Variants in RALGPS2 observed in about 807,000 individuals in gnomAD.
The protein encoded by RALGPS2 is Ral GEF with PH domain and SH3 binding motif 2.
RALGPS2 carries 43 observed loss-of-function variants against 86.8 expected under a neutral mutation model. The ratio of observed to expected loss-of-function variants is 0.50; its 90% CI spans 0.39 to 0.64. The LOEUF is 0.64. Ranked by LOEUF, RALGPS2 falls within the 30% of genes least tolerant of loss-of-function variation. The pLI, the probability that RALGPS2 is intolerant of heterozygous loss-of-function variation, is 0.00. For missense variants in RALGPS2, 536 were observed against 694.6 expected, an observed-to-expected ratio of 0.77 and a Z score of 2.57; for synonymous variants, 243 against 231.3, an observed-to-expected ratio of 1.05 and a Z score of -0.46.
intron 14 of RALGPS2, among the ~76,000 whole-genome samples, chr1:178,891,662 A>G (rs1659715002): frequency 6.6e-6 from 1 of 151,870 alleles, no homozygotes; most frequent in African/African-American, 2.4e-5. Flanking sequence ...CATCATTTTT[A>G]TCATTTATTG....
At chr1:178,848,012 C>T (rs1254228026) in intron 8 of RALGPS2, among the ~76,000 whole-genome samples, 1 of 152,086 alleles carries the variant, frequency 6.6e-6, no homozygotes, top group East Asian at 1.9e-4. Context: ...GGATAAAATT[C>T]ATTAACTTAT....
chr1:178,814,748 C>T (rs1479905324), intron 6 of RALGPS2, among the ~76,000 whole-genome samples: 2 of 151,718 alleles, frequency 1.3e-5, no homozygotes, highest in East Asian at 3.9e-4. Context: ...CTGTACCTGT[C>T]CCCTCGTCTC....
intron 1 of RALGPS2, among the ~76,000 whole-genome samples, chr1:178,741,025 CATATATGTAATG>C (rs1465235411): frequency 1.3e-5 from 2 of 152,116 alleles, no homozygotes; most frequent in African/African-American, 4.8e-5. Flanking sequence ...TAAATAGTAT[CATATATGTAATG>C]ATATTTGAGG....
intron 1 of RALGPS2, among the ~76,000 whole-genome samples, chr1:178,756,833 AG>A (rs1651980313): frequency 6.6e-6 from 1 of 152,112 alleles, no homozygotes; most frequent in African/African-American, 2.4e-5. Flanking sequence ...TGTTTTTGCC[AG>A]GTTTTGGTAT....
rs562030727 is a variant in RALGPS2 at position 178,755,575 on chromosome 1, T to A, written c.-83-21107T>A. 1.2e-4 allele frequency among the ~76,000 whole-genome samples: 19 copies of A among 152,352 alleles called. No individual in the cohort carries two copies. In the South Asian group the frequency reaches 3.7e-3, roughly 30 times the overall value. On this transcript the variant is annotated intron_variant, in intron 1 of 19. Transcript: ENST00000367635. The stretch of plus-strand genomic sequence containing the variant: ...TGGTGTACGTGGACCACATTTTCTT[T>A]ATCCAGTCCACCATTGTTGGGTACC...
In RALGPS2 at chr1:178,833,564, CTG is replaced by C. The variant is rs762508053; in HGVS notation, c.607+20_607+21del. The C allele has an allele frequency of 2.0e-4, 299 of 1,521,852 alleles. No individual in the cohort carries two copies. Among genetic ancestry groups the C allele is most frequent in the Non-Finnish European group, 2.4e-4 (281 of 1,147,416 alleles). 94.3% of individuals were successfully genotyped at this position (1,521,852 alleles called of 1,614,324 possible). On this transcript the variant is annotated intron_variant, in intron 8 of 19. Transcript: ENST00000367635. The stretch of plus-strand genomic sequence containing the variant: ...TTCCCTATTTAGGTGAGTTATGTCA[CTG>C]TGTGTTTTTTGTTTCTAGTTGTTAC...
At chr1:178,825,934 A>G (rs1655723890) in intron 7 of RALGPS2, among the ~76,000 whole-genome samples, 1 of 152,186 alleles carries the variant, frequency 6.6e-6, no homozygotes, top group South Asian at 2.1e-4. Flanking sequence ...ATGAGCTGGA[A>G]GAAATTGTGA....
At chr1:178,906,445 T>C (rs573678074) in intron 18 of RALGPS2, among the ~76,000 whole-genome samples, 10 of 152,252 alleles carry the variant, frequency 6.6e-5, no homozygotes, top group African/African-American at 1.7e-4. Flanking sequence ...TGCAGTCTTA[T>C]CCACACAGAT....
chr1:178,839,690 G>T (rs1656480027), intron 8 of RALGPS2, among the ~76,000 whole-genome samples: 1 of 152,134 alleles, frequency 6.6e-6, no homozygotes, highest in African/African-American at 2.4e-5. Context: ...TGGGCTAAAT[G>T]CTCCAATTAA....
At chr1:178,806,673 A>C (rs1654763560) in intron 4 of RALGPS2, among the ~76,000 whole-genome samples, 1 of 151,964 alleles carries the variant, frequency 6.6e-6, no homozygotes, top group African/African-American at 2.4e-5. Context: ...GTTTTTGCTT[A>C]GTGGGTACAA....
chr1:178,776,768 G>A lies in RALGPS2; in HGVS notation c.4G>A (p.Asp2Asn). The A allele has an allele frequency of 6.2e-7, 1 of 1,612,408 alleles. No individual in the cohort carries two copies. Among genetic ancestry groups the A allele is most frequent in the Non-Finnish European group, 8.5e-7 (1 of 1,179,040 alleles). M[D>N]LMNGQASSVN... ...GTCAGGGACTGATGAGGAAAGCATG[G>A]ACCTAATGAACGGGCAGGCAAGCAG... The change falls in exon 2 of 20, where the codon GAC becomes AAC. Residue 2 changes from aspartate (D) to asparagine (N), a missense_variant. Physicochemically the swap from Asp to Asn is conservative, Grantham distance 23. Transcript: ENST00000367635.
In RALGPS2 at chr1:178,759,754, A is replaced by G. The variant is rs1009647477; in HGVS notation, c.-83-16928A>G. On this transcript the variant is annotated intron_variant, in intron 1 of 19. Transcript: ENST00000367635. The stretch of plus-strand genomic sequence containing the variant: ...TCCATTTTTTTTTGCATCCTCCTCA[A>G]TTTCTTTCATCAGTGTTTTATAATT... Among the ~76,000 whole-genome samples the G allele has an allele frequency of 3.3e-5, 5 of 151,530 alleles. No individual in the cohort carries two copies. In the East Asian group the frequency reaches 5.8e-4, roughly 18 times the overall value.
intron 10 of RALGPS2, chr1:178,879,805 AAAAAG>A (rs1207530584): frequency 6.6e-6 from 1 of 152,024 alleles, no homozygotes; most frequent in African/African-American, 2.4e-5. Context: ...AAAAAAAAAA[AAAAAG>A]ATTGTTTGAA....
At chr1:178,823,330 A>T (rs1655598133) in intron 7 of RALGPS2, among the ~76,000 whole-genome samples, 1 of 152,218 alleles carries the variant, frequency 6.6e-6, no homozygotes, top group East Asian at 1.9e-4. Flanking sequence ...TGCACTCTGT[A>T]ATTGCTTGAC....
At chr1:178,910,639 TGATATGCTGCTG>T (rs993839554) in intron 19 of RALGPS2, among the ~76,000 whole-genome samples, 11 of 152,248 alleles carry the variant, frequency 7.2e-5, no homozygotes, top group African/African-American at 2.4e-4. Flanking sequence ...ATTAACTTTC[TGATATGCTGCTG>T]GATTCAGTTA....
intron 16 of RALGPS2, among the ~76,000 whole-genome samples, chr1:178,897,004 A>T (rs1179110454): frequency 1.3e-5 from 2 of 151,928 alleles, no homozygotes; most frequent in Non-Finnish European, 2.9e-5. Context: ...GTCAAATGGT[A>T]TTTCCAGTTC....
At chr1:178,877,910 A>G (rs572846141) in intron 9 of RALGPS2, among the ~76,000 whole-genome samples, 3 of 152,066 alleles carry the variant, frequency 2.0e-5, no homozygotes, top group Non-Finnish European at 4.4e-5. Context: ...TCACAGCACA[A>G]AGGCACTAAG....
chr1:178,822,084 A>G (rs1356656579), intron 7 of RALGPS2, among the ~76,000 whole-genome samples: 1 of 152,220 alleles, frequency 6.6e-6, no homozygotes, highest in East Asian at 1.9e-4. Flanking sequence ...GGTTTCAAAA[A>G]AATTTTACTG....
intron 8 of RALGPS2, among the ~76,000 whole-genome samples, chr1:178,867,204 G>A (rs1384087104): frequency 6.6e-6 from 1 of 152,098 alleles, no homozygotes; most frequent in African/African-American, 2.4e-5. Flanking sequence ...TTCAGTGTTA[G>A]GCACTGTTTT....
Sources: allele counts gnomAD v4.1 joint callset (sites outside exome capture counted in the v4.1 genomes callset), GRCh38; gene constraint gnomAD v4.1.1; transcripts MANE v1.5; gene names NCBI Gene and HGNC (gene_info 2026-07-23, HGNC 2026-07-21).